Variants in ZNF423 observed in about 807,000 individuals in gnomAD.
ZNF423 encodes the protein Ebf-associated zinc finger protein.
A neutral mutation model predicts 95.8 loss-of-function variants in ZNF423; 12 were observed. That is an observed-to-expected ratio of 0.13 (90% CI 0.08 to 0.20). The LOEUF is 0.20. ZNF423 is among the 10% of genes least tolerant of loss of function. The pLI is 1.00. For synonymous variants in ZNF423, 749 were observed against 711.9 expected, an observed-to-expected ratio of 1.05 and a Z score of -0.83; for missense variants, 1,316 against 1,737.1, an observed-to-expected ratio of 0.76 and a Z score of 4.31.
chr16:49,602,344 C>T (rs1474710232), intron 5 of ZNF423, among the ~76,000 whole-genome samples: 2 of 152,204 alleles, frequency 1.3e-5, no homozygotes, highest in African/African-American at 4.8e-5. Context: ...TGAGGAGGCC[C>T]TCCTCATCTT....
intron 3 of ZNF423, among the ~76,000 whole-genome samples, chr16:49,649,405 G>A (rs1424534572): frequency 6.6e-6 from 1 of 152,100 alleles, no homozygotes; most frequent in Non-Finnish European, 1.5e-5. Flanking sequence ...TGCCTGCCCT[G>A]GGTACAGAGT....
intron 2 of ZNF423, among the ~76,000 whole-genome samples, chr16:49,747,377 T>C (rs541845432): frequency 7.1e-4 from 108 of 152,280 alleles, no homozygotes; most frequent in Non-Finnish European, 1.4e-3. Context: ...AAATATGGTA[T>C]CTATATTGTT....
intron 2 of ZNF423, among the ~76,000 whole-genome samples, chr16:49,753,071 C>T (rs1301471452): frequency 6.6e-6 from 1 of 152,052 alleles, no homozygotes; most frequent in Non-Finnish European, 1.5e-5. Flanking sequence ...TGGTGAAGCC[C>T]CATCTCTACT....
At chr16:49,696,591 A>G (rs1350214355) in intron 3 of ZNF423, among the ~76,000 whole-genome samples, 1 of 152,156 alleles carries the variant, frequency 6.6e-6, no homozygotes, top group Non-Finnish European at 1.5e-5. Context: ...AGTGCCCAGC[A>G]TGGGGTGGGC....
chr16:49,673,101 C>A (rs2030888966), intron 3 of ZNF423, among the ~76,000 whole-genome samples: 1 of 152,212 alleles, frequency 6.6e-6, no homozygotes, highest in Non-Finnish European at 1.5e-5. Flanking sequence ...TTACTCCCTA[C>A]CTGACACAGT....
chr16:49,522,189 G>T (rs1259013311), intron 7 of ZNF423, among the ~76,000 whole-genome samples: 5 of 152,216 alleles, frequency 3.3e-5, no homozygotes, highest in Non-Finnish European at 5.9e-5. Context: ...GGCCAAACTG[G>T]TGTGTGTGAG....
chr16:49,526,200 C>T (rs1968603886), intron 5 of ZNF423, among the ~76,000 whole-genome samples: 2 of 152,094 alleles, frequency 1.3e-5, no homozygotes, highest in Admixed American at 1.3e-4. Context: ...CCCTGTCAGC[C>T]CCTGGAGGAC....
chr16:49,630,603 A>AT (rs1243819590), intron 4 of ZNF423, among the ~76,000 whole-genome samples: 71 of 152,044 alleles, frequency 4.7e-4, no homozygotes, highest in African/African-American at 1.6e-3. Context: ...AAGGATGGCG[A>AT]TTTGCTTGGG....
Position 49,638,262 on chromosome 16 carries a change from C to T in ZNF423, c.914G>A (p.Cys305Tyr). The T allele has an allele frequency of 6.2e-7, 1 of 1,612,686 alleles. No homozygotes were observed. The highest frequency in any genetic ancestry group is 1.1e-5 in the South Asian group (1 of 91,088). ...GACGAAGACCTCAGGGCAGTGAATG[C>T]ACTGCAGGTCCGCCTTCTCGGACAG... ...PQLSEKADLQ[C>Y]IHCPEVFVDE... Residue 305 changes from cysteine to tyrosine, a missense_variant, in exon 4 of 8, where the codon TGC becomes TAC. Physicochemically the swap from Cys to Tyr is radical, Grantham distance 194. Transcript: ENST00000563137. This position sits in a 1 kb window ranked among gnomAD's most constrained non-coding sequence, Gnocchi z 5.6.
At chr16:49,807,666 T>C (rs11647031) in intron 1 of ZNF423, among the ~76,000 whole-genome samples, 58,096 of 152,134 alleles carry the variant, frequency 0.38, 11,611 homozygotes, top group East Asian at 0.57. Flanking sequence ...GGAGCTTGCA[T>C]GTGGAAAAGG....
At chr16:49,745,087 C>T (rs1007034224) in intron 2 of ZNF423, among the ~76,000 whole-genome samples, 3 of 151,910 alleles carry the variant, frequency 2.0e-5, no homozygotes, top group Admixed American at 6.6e-5. Context: ...AATTAGAAAG[C>T]GGGCTCTTTG....
At chr16:49,761,511 G>A (rs1468999711) in intron 2 of ZNF423, among the ~76,000 whole-genome samples, 4 of 152,200 alleles carry the variant, frequency 2.6e-5, no homozygotes, top group Admixed American at 6.5e-5. Flanking sequence ...CCAGGACCAC[G>A]CTCTGAGTAG....
At chr16:49,809,547 A>G (rs998838253) in intron 1 of ZNF423, among the ~76,000 whole-genome samples, 1 of 152,134 alleles carries the variant, frequency 6.6e-6, no homozygotes, top group Non-Finnish European at 1.5e-5. Flanking sequence ...AACCCCCAAG[A>G]AGGCGAGAGG....
chr16:49,807,768 C>T (rs2034688129), intron 1 of ZNF423, among the ~76,000 whole-genome samples: 1 of 152,180 alleles, frequency 6.6e-6, no homozygotes, highest in African/African-American at 2.4e-5. Context: ...CCCAAGACAA[C>T]CCCAAAACCT....
intron 2 of ZNF423, among the ~76,000 whole-genome samples, chr16:49,742,497 A>G (rs7193830): frequency 0.022 from 3,287 of 152,268 alleles, 113 homozygotes; most frequent in African/African-American, 0.075. Context: ...GTAATGAAGA[A>G]CAGTCAGACA....
At chr16:49,712,583 G>C (rs760019421) in intron 3 of ZNF423, among the ~76,000 whole-genome samples, 10 of 152,150 alleles carry the variant, frequency 6.6e-5, no homozygotes, top group Non-Finnish European at 1.2e-4. Context: ...CCCTCGCTAG[G>C]GACCTCCTCA....
intron 5 of ZNF423, among the ~76,000 whole-genome samples, chr16:49,548,301 C>T (rs1442590667): frequency 2.0e-5 from 3 of 152,118 alleles, no homozygotes; most frequent in Non-Finnish European, 4.4e-5. Context: ...CCATCCCAGA[C>T]AAATGCACGA....
At chr16:49,600,744 A>G (rs1971340653) in intron 5 of ZNF423, among the ~76,000 whole-genome samples, 1 of 152,168 alleles carries the variant, frequency 6.6e-6, no homozygotes, top group African/African-American at 2.4e-5. Flanking sequence ...TTAGCTCGTA[A>G]TGGCCCCGAA....
At chr16:49,761,716 A>G (rs1295456965) in intron 2 of ZNF423, among the ~76,000 whole-genome samples, 1 of 152,178 alleles carries the variant, frequency 6.6e-6, no homozygotes, top group Non-Finnish European at 1.5e-5. Flanking sequence ...CTCTTCTCCC[A>G]CTAACCAGCT....
Sources: gnomAD v4.1 joint callset for allele counts (sites outside exome capture counted in the v4.1 genomes callset) on GRCh38, gnomAD v4.1.1 for gene constraint, Gnocchi (gnomAD v3.1) non-coding constraint, MANE v1.5 for transcripts, NCBI Gene and HGNC (gene_info 2026-07-23, HGNC 2026-07-21) for gene names.